The following HPSE2 variants were observed in gnomAD, a reference collection of about 807,000 sequenced individuals.
HPSE2 encodes inactive heparanase-2.
A neutral mutation model predicts 60.5 loss-of-function variants in HPSE2; 38 were observed. The observed-to-expected ratio is 0.63, with a 90% CI of 0.48 to 0.82. The LOEUF is 0.82. HPSE2 is among the 40% of genes least tolerant of loss of function. HPSE2 has a pLI of 0.00. For synonymous variants in HPSE2, 295 were observed against 293.2 expected (o/e 1.01, Z -0.06); for missense variants, 713 against 740.4 (o/e 0.96, Z 0.43).
chr10:98,822,111 C>A (rs532496377), intron 3 of HPSE2, among the ~76,000 whole-genome samples: 79 of 152,208 alleles, frequency 5.2e-4, no homozygotes, highest in Non-Finnish European at 9.7e-4. Flanking sequence ...ACTAACTGGG[C>A]AACTGATAAA....
intron 10 of HPSE2, among the ~76,000 whole-genome samples, chr10:98,489,598 G>T (rs546357261): frequency 1.3e-5 from 2 of 152,312 alleles, no homozygotes; most frequent in South Asian, 4.1e-4. Flanking sequence ...CATTGGTCTA[G>T]GGCTAGGTTT....
chr10:99,081,879 G>A (rs770936662), intron 3 of HPSE2, among the ~76,000 whole-genome samples: 4 of 151,824 alleles, frequency 2.6e-5, no homozygotes, highest in Non-Finnish European at 2.9e-5. Flanking sequence ...CACGTGATCC[G>A]CCCGCCTGGG....
At chr10:98,516,292 C>CA (rs1177472460) in intron 9 of HPSE2, among the ~76,000 whole-genome samples, 1 of 152,198 alleles carries the variant, frequency 6.6e-6, no homozygotes, top group East Asian at 1.9e-4. Flanking sequence ...ACAAGTGACA[C>CA]AGTTGCAGCC....
chr10:98,925,537 T>C (rs556038983), intron 3 of HPSE2, among the ~76,000 whole-genome samples: 52 of 152,258 alleles, frequency 3.4e-4, no homozygotes, highest in African/African-American at 1.2e-3. Flanking sequence ...TCTCAACTAA[T>C]ACTGCAGTGA....
At chr10:98,733,219 C>G (rs2134290402) in intron 4 of HPSE2, among the ~76,000 whole-genome samples, 1 of 152,224 alleles carries the variant, frequency 6.6e-6, no homozygotes, top group South Asian at 2.1e-4. Flanking sequence ...TTCCTGGGCT[C>G]AAGTGATCCT....
In HPSE2 at chr10:98,620,633, T is replaced by A; in HGVS notation, c.1174A>T (p.Asn392Tyr). 1 of 1,614,090 alleles carries A rather than the reference T, an allele frequency of 6.2e-7. No individual in the cohort carries two copies. The highest frequency in any genetic ancestry group is 8.5e-7 in the Non-Finnish European group (1 of 1,179,976). ...CCTGCAGCATAGGAATCGGATAGAT[T>A]GTTTGTGCCTCCAGCTGAGGTGGTC... Reference protein sequence around the residue: ...VVTTSAGGTNNLSDSYAAGFL... With the variant: ...VVTTSAGGTNYLSDSYAAGFL... The change falls in exon 8 of 12, where the codon AAT becomes TAT. Residue 392 changes from asparagine (N) to tyrosine (Y), a missense_variant. Asn to Tyr is a moderately radical substitution (Grantham distance 143). Transcript: ENST00000370552.
intron 2 of HPSE2, among the ~76,000 whole-genome samples, chr10:99,148,528 C>T (rs1021271392): frequency 6.6e-5 from 10 of 152,090 alleles, no homozygotes; most frequent in Admixed American, 2.6e-4. Context: ...CAGTAGCTCA[C>T]GCCTGTAATC....
chr10:99,199,681 C>T (rs1283285711), intron 2 of HPSE2, among the ~76,000 whole-genome samples: 1 of 152,064 alleles, frequency 6.6e-6, no homozygotes, highest in Admixed American at 6.6e-5. Flanking sequence ...ATTAATGTAG[C>T]TCTGTAATAT....
the HPSE2 span, among the ~76,000 whole-genome samples, chr10:99,257,762 C>T: frequency 1.3e-5 from 2 of 152,162 alleles, no homozygotes; most frequent in African/African-American, 2.4e-5. Context: ...TACACTCCCT[C>T]CCCTTTTGAA....
intron 9 of HPSE2, among the ~76,000 whole-genome samples, chr10:98,500,266 T>C (rs184205107): frequency 4.4e-4 from 67 of 152,244 alleles, no homozygotes; most frequent in East Asian, 1.9e-4. Flanking sequence ...ATAGAACATA[T>C]GACAGGCCAT....
chr10:99,281,946 T>C, the HPSE2 span, among the ~76,000 whole-genome samples: 6 of 150,742 alleles, frequency 4.0e-5, no homozygotes, highest in East Asian at 2.0e-4. Flanking sequence ...GAAAAAAAAA[T>C]AGATTTAAGC....
At chr10:98,863,655 A>C (rs1264691569) in intron 3 of HPSE2, among the ~76,000 whole-genome samples, 1 of 152,202 alleles carries the variant, frequency 6.6e-6, no homozygotes, top group Non-Finnish European at 1.5e-5. Context: ...AAGACAGATT[A>C]GCTACCCTAT....
intron 5 of HPSE2, among the ~76,000 whole-genome samples, chr10:98,701,798 C>A (rs1413898313): frequency 6.6e-6 from 1 of 152,008 alleles, no homozygotes. Flanking sequence ...GCAAGAGCTC[C>A]TAAAGGAAGC....
intron 3 of HPSE2, among the ~76,000 whole-genome samples, chr10:99,074,795 T>C (rs1842907001): frequency 6.6e-6 from 1 of 152,116 alleles, no homozygotes; most frequent in Non-Finnish European, 1.5e-5. Flanking sequence ...CTGATATATC[T>C]AAGAATATGC....
intron 9 of HPSE2, among the ~76,000 whole-genome samples, chr10:98,595,582 T>A (rs1006021502): frequency 2.6e-5 from 4 of 152,234 alleles, no homozygotes; most frequent in African/African-American, 9.6e-5. Flanking sequence ...ATCAATTTAT[T>A]AGTTCTAATG....
chr10:98,514,450 T>TA (rs1472670077), intron 9 of HPSE2, among the ~76,000 whole-genome samples: 7 of 151,876 alleles, frequency 4.6e-5, no homozygotes, highest in African/African-American at 9.7e-5. Context: ...TTTACCACAA[T>TA]AAAAAAAGAA....
chr10:99,127,419 GA>G (rs2135726145), intron 3 of HPSE2, among the ~76,000 whole-genome samples: 2 of 152,206 alleles, frequency 1.3e-5, no homozygotes, highest in East Asian at 3.9e-4. Flanking sequence ...AGAGGCTTTC[GA>G]ATTAACCCAA....
At chr10:98,880,422 T>C (rs927198392) in intron 3 of HPSE2, among the ~76,000 whole-genome samples, 1 of 151,846 alleles carries the variant, frequency 6.6e-6, no homozygotes, top group Non-Finnish European at 1.5e-5. Flanking sequence ...TTTTCCTTTA[T>C]GTAAACTCAT....
intron 3 of HPSE2, among the ~76,000 whole-genome samples, chr10:98,842,943 T>C (rs1228641541): frequency 2.6e-5 from 4 of 152,214 alleles, no homozygotes; most frequent in East Asian, 1.9e-4. Context: ...ATAAATCATA[T>C]GGTATGCAGT....
Sources: allele counts gnomAD v4.1 joint callset (sites outside exome capture counted in the v4.1 genomes callset), GRCh38; gene constraint gnomAD v4.1.1; transcripts MANE v1.5; gene names NCBI Gene and HGNC (gene_info 2026-07-23, HGNC 2026-07-21).